ADAM9: variants seen among roughly 807,000 people sequenced by gnomAD.
The protein encoded by ADAM9 is ADAM metallopeptidase domain 9.
In ADAM9, 54 loss-of-function variants were observed where a neutral mutation model predicts 108.1. That is an observed-to-expected ratio of 0.50 (90% confidence interval 0.40 to 0.63). The LOEUF (loss-of-function observed/expected upper bound fraction) is 0.63, where lower values mean the gene tolerates loss of function less well. Ranked by LOEUF, ADAM9 falls within the 20% of genes least tolerant of loss-of-function variation. The pLI is 0.00. For missense variants in ADAM9, 830 were observed against 997.7 expected, an observed-to-expected ratio of 0.83 and a Z score of 2.26; for synonymous variants, 316 against 336.0, an observed-to-expected ratio of 0.94 and a Z score of 0.65.
chr8:39,090,917 A>C (rs990650373), intron 19 of ADAM9, among the ~76,000 whole-genome samples: 2 of 152,230 alleles, frequency 1.3e-5, no homozygotes, highest in African/African-American at 2.4e-5. Context: ...CCTAATTTTT[A>C]AAATGACTAC....
intron 11 of ADAM9, 149 bp downstream of exon 11, chr8:39,026,959 C>CTT (rs376324160): frequency 2.1e-3 from 1,530 of 722,052 alleles, no homozygotes; most frequent in South Asian, 6.0e-3. Flanking sequence ...AATGAGAAGT[C>CTT]TTTTTTTTTT....
intron 11 of ADAM9, among the ~76,000 whole-genome samples, chr8:39,035,635 G>A (rs538956613): frequency 2.0e-5 from 3 of 152,162 alleles, no homozygotes; most frequent in South Asian, 2.1e-4. Context: ...TGGCTAATAC[G>A]TGAAACCCCG....
At chr8:39,046,857 C>T (rs1444150212) in intron 12 of ADAM9, among the ~76,000 whole-genome samples, 2 of 152,046 alleles carry the variant, frequency 1.3e-5, no homozygotes, top group Non-Finnish European at 2.9e-5. Context: ...CAGCTTTGAC[C>T]TAATGGGCCC....
chr8:39,094,153 T>A (rs1432589310), intron 20 of ADAM9, among the ~76,000 whole-genome samples: 1 of 152,256 alleles, frequency 6.6e-6, no homozygotes, highest in Admixed American at 6.5e-5. Flanking sequence ...TTTCCCTCAT[T>A]TCTTAAAATG....
rs745665801 is a variant in ADAM9 at position 39,054,462 on chromosome 8, A to G, written c.1303-19A>G. The G allele has an allele frequency of 6.2e-7, 1 of 1,601,972 alleles. No homozygotes were observed. Among genetic ancestry groups the G allele is most frequent in the Non-Finnish European group, 8.6e-7 (1 of 1,169,586 alleles). Reference sequence around the variant, plus strand: ...GTCAATTACTAATTTCTTTATTGACAGTCATTTTATGTTCACAGGAATGTG... The same window carrying G: ...GTCAATTACTAATTTCTTTATTGACGGTCATTTTATGTTCACAGGAATGTG... On this transcript the variant is annotated intron_variant, in intron 12 of 21. Coordinates refer to ENST00000487273, the MANE Select transcript of ADAM9 (RefSeq NM_003816.3).
intron 14 of ADAM9, among the ~76,000 whole-genome samples, chr8:39,062,674 T>G (rs147514635): frequency 8.4e-4 from 128 of 152,358 alleles, no homozygotes; most frequent in African/African-American, 3.0e-3. Flanking sequence ...TAGAATCTGA[T>G]ACTTTCATTG....
intron 14 of ADAM9, among the ~76,000 whole-genome samples, chr8:39,058,041 A>G (rs931769343): frequency 1.3e-5 from 2 of 152,234 alleles, no homozygotes; most frequent in African/African-American, 4.8e-5. Context: ...TCCTGCATGC[A>G]ACTAAAACCT....
intron 15 of ADAM9, among the ~76,000 whole-genome samples, chr8:39,075,664 G>A (rs1228578889): frequency 3.3e-5 from 5 of 152,126 alleles, no homozygotes. Flanking sequence ...TATTCTAAGA[G>A]TATTTTCCTT....
At chr8:39,050,789 G>A (rs1246801137) in intron 12 of ADAM9, among the ~76,000 whole-genome samples, 1 of 147,584 alleles carries the variant, frequency 6.8e-6, no homozygotes, top group Non-Finnish European at 1.5e-5. Context: ...CATGTGACAT[G>A]TGGTCCAACA....
chr8:39,027,265 G>A (rs1836952468), intron 11 of ADAM9, among the ~76,000 whole-genome samples: 1 of 152,190 alleles, frequency 6.6e-6, no homozygotes, highest in East Asian at 1.9e-4. Context: ...TTTTGAGAAA[G>A]TGCTGCATTG....
At chr8:39,024,282 C>T (rs1263220420) in intron 9 of ADAM9, among the ~76,000 whole-genome samples, 1 of 152,144 alleles carries the variant, frequency 6.6e-6, no homozygotes, top group African/African-American at 2.4e-5. Flanking sequence ...TACGCTCACA[C>T]ATCCTCGTAC....
intron 13 of ADAM9, among the ~76,000 whole-genome samples, 175 bp from the exon 14 acceptor site, chr8:39,055,402 A>C (rs1838087274): frequency 6.6e-6 from 1 of 152,074 alleles, no homozygotes; most frequent in South Asian, 2.1e-4. Flanking sequence ...TACTTTCCAT[A>C]GTTAGGACTT....
At chr8:39,063,084 C>T (rs777412740) in intron 14 of ADAM9, among the ~76,000 whole-genome samples, 6 of 152,182 alleles carry the variant, frequency 3.9e-5, no homozygotes, top group Non-Finnish European at 4.4e-5. Flanking sequence ...ATGAATTCAT[C>T]CCAATCCAAC....
rs199768809 is a variant in ADAM9, at chr8:39,044,884, G to GTA, written c.1302+2775_1302+2776dup. Among the ~76,000 whole-genome samples the GTA allele has an allele frequency of 4.1e-3, 555 of 135,288 alleles. 38 individuals are homozygous for GTA. The highest frequency in any genetic ancestry group is 0.017 in the African/African-American group (522 of 29,936). The allele number at this position is 135,288 out of a possible 152,430, so 88.8% of individuals were successfully genotyped here. A position where few individuals can be genotyped will look rare whatever the true frequency, so the allele number is the denominator to read the frequency against. On this transcript the variant is annotated intron_variant, in intron 12 of 21. Transcript: ENST00000487273. ...TGTGTGTGTATACATACATATATAT[G>GTA]TATATATATGTGTGTGCACACATAC...
chr8:39,036,703 G>A (rs1367414446), intron 11 of ADAM9, among the ~76,000 whole-genome samples: 1 of 152,170 alleles, frequency 6.6e-6, no homozygotes, highest in East Asian at 1.9e-4. Context: ...AGCCAGTGAT[G>A]GCTAGTGGAA....
At chr8:39,005,142 A>G (rs1377897137) in intron 1 of ADAM9, among the ~76,000 whole-genome samples, 2 of 152,142 alleles carry the variant, frequency 1.3e-5, no homozygotes, top group African/African-American at 2.4e-5. Context: ...TTGTAGAGGG[A>G]CAAAGATCTA....
intron 3 of ADAM9, 75 bp downstream of exon 3, chr8:39,011,791 A>G (rs2129432479): frequency 1.5e-6 from 2 of 1,363,786 alleles, no homozygotes; most frequent in East Asian, 2.3e-5. Flanking sequence ...CTAGTTTGAT[A>G]TGGTTTAGTG....
intron 1 of ADAM9, among the ~76,000 whole-genome samples, chr8:38,998,575 G>A (rs545535178): frequency 3.3e-5 from 5 of 152,286 alleles, no homozygotes; most frequent in Middle Eastern, 6.8e-3. Context: ...ACCGTTTATG[G>A]AACTCCTATA....
chr8:39,047,943 CAG>C (rs988036543), intron 12 of ADAM9, among the ~76,000 whole-genome samples: 114 of 146,874 alleles, frequency 7.8e-4, no homozygotes, highest in African/African-American at 2.9e-3. Flanking sequence ...TTTTTTTTGA[CAG>C]AGTCTCACTG....
Sources: allele counts gnomAD v4.1 joint callset (sites outside exome capture counted in the v4.1 genomes callset), GRCh38; gene constraint gnomAD v4.1.1; transcripts MANE v1.5; gene names NCBI Gene and HGNC (gene_info 2026-07-23, HGNC 2026-07-21).